HYCC2: variants seen among roughly 807,000 people sequenced by gnomAD.
HYCC2 encodes the protein hyccin 2.
chr2:201,028,558 A>G, the HYCC2 span, among the ~76,000 whole-genome samples: 1 of 152,196 alleles, frequency 6.6e-6, no homozygotes, highest in Non-Finnish European at 1.5e-5. Flanking sequence ...ACCTGACTTC[A>G]AACTATACTA....
chr2:201,010,785 TTAAAAA>T, the HYCC2 span, among the ~76,000 whole-genome samples: 2 of 151,638 alleles, frequency 1.3e-5, no homozygotes, highest in African/African-American at 4.8e-5. Context: ...ATTTAAAAAA[TTAAAAA>T]TAAAAATATT....
chr2:200,981,167 A>G, the HYCC2 span: 2,706 of 1,358,268 alleles, frequency 2.0e-3, 5 homozygotes, highest in Non-Finnish European at 2.2e-3. This position sits in a 1 kb window ranked among gnomAD's most constrained non-coding sequence, Gnocchi z 4.5. Context: ...ATGAAATCTG[A>G]TAACAGTGAC....
chr2:201,050,213 CA>C, the HYCC2 span, among the ~76,000 whole-genome samples: 1,809 of 122,896 alleles, frequency 0.015, 22 homozygotes, highest in African/African-American at 0.041. Context: ...CACCCTGTCT[CA>C]AAAAAAAAAA....
chr2:201,052,082 G>C, the HYCC2 span: 3 of 152,248 alleles, frequency 2.0e-5, no homozygotes, highest in East Asian at 5.8e-4. Context: ...TGGACCACTT[G>C]AACTCAGGAG....
chr2:201,056,136 G>A, the HYCC2 span, among the ~76,000 whole-genome samples: 24 of 151,984 alleles, frequency 1.6e-4, no homozygotes, highest in Non-Finnish European at 3.4e-4. Flanking sequence ...GGAGCTTGCA[G>A]TGAGCCGAGA....
At chr2:201,012,809 G>A in the HYCC2 span, among the ~76,000 whole-genome samples, 1 of 151,966 alleles carries the variant, frequency 6.6e-6, no homozygotes, top group African/African-American at 2.4e-5. Context: ...GCCAGGCATG[G>A]TGGCAGACGC....
chr2:201,000,562 G>T, the HYCC2 span, among the ~76,000 whole-genome samples: 1 of 152,012 alleles, frequency 6.6e-6, no homozygotes, highest in Non-Finnish European at 1.5e-5. Flanking sequence ...CAATAAAAAA[G>T]ATGGAAAATA....
At chr2:200,983,271 A>G in the HYCC2 span, among the ~76,000 whole-genome samples, 6 of 152,252 alleles carry the variant, frequency 3.9e-5, no homozygotes, top group Non-Finnish European at 7.3e-5. Context: ...CTGAATCTAC[A>G]AAACAGATAT....
chr2:200,982,040 T>A, the HYCC2 span, among the ~76,000 whole-genome samples: 1 of 152,170 alleles, frequency 6.6e-6, no homozygotes, highest in African/African-American at 2.4e-5. Context: ...CTACACAGAA[T>A]TCTACTATGC....
the HYCC2 span, among the ~76,000 whole-genome samples, chr2:200,984,637 C>A: frequency 6.6e-6 from 1 of 152,220 alleles, no homozygotes; most frequent in Non-Finnish European, 1.5e-5. Flanking sequence ...GTAATCCCAA[C>A]ATTTTGGGAA....
At chr2:201,051,932 G>A in the HYCC2 span, among the ~76,000 whole-genome samples, 1 of 152,326 alleles carries the variant, frequency 6.6e-6, no homozygotes. Flanking sequence ...AAAGTGTGAG[G>A]AGAGAAGGGC....
the HYCC2 span, among the ~76,000 whole-genome samples, chr2:201,053,351 G>A: frequency 6.6e-6 from 1 of 152,152 alleles, no homozygotes; most frequent in South Asian, 2.1e-4. Flanking sequence ...TCGAACTCCT[G>A]AACTCAGGTG....
At chr2:201,017,416 TTACTAGATTATTAGTCCTTTAGCCAATG>T in the HYCC2 span, among the ~76,000 whole-genome samples, 5 of 152,204 alleles carry the variant, frequency 3.3e-5, no homozygotes. Flanking sequence ...ACTACTAAAT[TTACTAGATTATTAGTCCTTTAGCCAATG>T]TACTACATTT....
chr2:201,036,962 G>C, the HYCC2 span, among the ~76,000 whole-genome samples: 4 of 152,184 alleles, frequency 2.6e-5, no homozygotes, highest in Non-Finnish European at 4.4e-5. Flanking sequence ...AATTGTCCCT[G>C]TTTGCAGATG....
the HYCC2 span, among the ~76,000 whole-genome samples, chr2:201,044,148 A>C: frequency 6.6e-6 from 1 of 152,374 alleles, no homozygotes; most frequent in African/African-American, 2.4e-5. Flanking sequence ...ATGCAGCTTA[A>C]TTCAGATCCA....
the HYCC2 span, among the ~76,000 whole-genome samples, chr2:201,030,403 C>T: frequency 1.3e-5 from 2 of 151,836 alleles, no homozygotes; most frequent in African/African-American, 4.8e-5. Flanking sequence ...CCACTCATTC[C>T]ATCCACAAAC....
the HYCC2 span, among the ~76,000 whole-genome samples, chr2:201,003,805 C>CTTT: frequency 6.0e-3 from 397 of 66,326 alleles, no homozygotes; most frequent in Middle Eastern, 0.015. Flanking sequence ...GTTGTTGTTG[C>CTTT]TTTTTTTTTT....
At chr2:201,046,426 G>A in the HYCC2 span, among the ~76,000 whole-genome samples, 640 of 152,232 alleles carry the variant, frequency 4.2e-3, 4 homozygotes, top group African/African-American at 0.015. Flanking sequence ...TCTGCAGTGG[G>A]GGGGAAGAAC....
chr2:201,041,611 G>C, the HYCC2 span, among the ~76,000 whole-genome samples: 1 of 152,216 alleles, frequency 6.6e-6, no homozygotes, highest in South Asian at 2.1e-4. Context: ...TTCCTGCCTA[G>C]AACTTCGGGG....
Sources: allele counts gnomAD v4.1 joint callset (sites outside exome capture counted in the v4.1 genomes callset), GRCh38; gene constraint gnomAD v4.1.1; non-coding constraint Gnocchi (gnomAD v3.1); transcripts MANE v1.5; gene names NCBI Gene and HGNC (gene_info 2026-07-23, HGNC 2026-07-21).